The following SOX5 variants were observed in gnomAD, a reference collection of about 807,000 sequenced individuals.
SOX5 encodes transcription factor SOX-5.
Under a neutral mutation model 92.0 loss-of-function variants are expected in SOX5, and 9 were observed. The observed-to-expected ratio is 0.10, with a 90% CI of 0.06 to 0.17. SOX5 has a LOEUF of 0.17. Among genes scored for constraint, SOX5 ranks in the 10% least tolerant of loss-of-function variants. The pLI is 1.00. For missense variants in SOX5, 642 were observed against 944.5 expected, an observed-to-expected ratio of 0.68 and a Z score of 4.20; for synonymous variants, 344 against 336.3, an observed-to-expected ratio of 1.02 and a Z score of -0.25.
chr12:24,451,745 C>A (rs1424055132), intron 1 of SOX5, among the ~76,000 whole-genome samples: 3 of 152,112 alleles, frequency 2.0e-5, no homozygotes, highest in Non-Finnish European at 4.4e-5. Context: ...AGTAACTAAA[C>A]CTCTCTGGGC....
At chr12:23,702,164 C>T (rs1354986918) in intron 6 of SOX5, among the ~76,000 whole-genome samples, 1 of 151,888 alleles carries the variant, frequency 6.6e-6, no homozygotes, top group African/African-American at 2.4e-5. Flanking sequence ...TATTAAATAC[C>T]TATATGTCTC....
At chr12:24,090,968 G>A (rs1246153043) in intron 4 of SOX5, among the ~76,000 whole-genome samples, 1 of 152,140 alleles carries the variant, frequency 6.6e-6, no homozygotes, top group Non-Finnish European at 1.5e-5. Context: ...GGAAAAACTT[G>A]AAAAACATTC....
chr12:24,124,958 A>T (rs963890364), intron 4 of SOX5, among the ~76,000 whole-genome samples: 2 of 152,148 alleles, frequency 1.3e-5, no homozygotes, highest in Non-Finnish European at 2.9e-5. Context: ...ATTTCCTCAA[A>T]CTCTAAGCAC....
At chr12:23,904,278 C>T (rs904753797) in intron 1 of SOX5, among the ~76,000 whole-genome samples, 4 of 152,068 alleles carry the variant, frequency 2.6e-5, no homozygotes, top group African/African-American at 4.8e-5. Flanking sequence ...CCATCAGTTT[C>T]TGATATAGAA....
chr12:23,834,367 A>G (rs1484416864), intron 3 of SOX5, among the ~76,000 whole-genome samples: 1 of 151,924 alleles, frequency 6.6e-6, no homozygotes, highest in Non-Finnish European at 1.5e-5. Flanking sequence ...AGTCAATGCT[A>G]AGGAATTTTT....
chr12:24,449,375 A>T (rs911704619), intron 1 of SOX5, among the ~76,000 whole-genome samples: 2 of 152,178 alleles, frequency 1.3e-5, no homozygotes, highest in Non-Finnish European at 2.9e-5. Flanking sequence ...TCCCTTGAGG[A>T]TACTGAACTA....
chr12:24,456,178 G>A (rs1033582978), intron 1 of SOX5, among the ~76,000 whole-genome samples: 1 of 152,070 alleles, frequency 6.6e-6, no homozygotes, highest in Non-Finnish European at 1.5e-5. Context: ...TTCCTCTTTT[G>A]TAAAAAATAA....
At chr12:24,300,944 TG>T (rs150410318) in intron 2 of SOX5, among the ~76,000 whole-genome samples, 4,545 of 152,306 alleles carry the variant, frequency 0.03, 242 homozygotes, top group African/African-American at 0.1. Context: ...AAATGATCCT[TG>T]CATAGTTTCA....
intron 3 of SOX5, among the ~76,000 whole-genome samples, chr12:24,235,881 C>T (rs1964384065): frequency 6.6e-6 from 1 of 152,026 alleles, no homozygotes; most frequent in Non-Finnish European, 1.5e-5. Flanking sequence ...TTGCATGATC[C>T]ATTCTGGCAG....
At chr12:23,692,226 A>C (rs1170644236) in intron 6 of SOX5, among the ~76,000 whole-genome samples, 1 of 151,976 alleles carries the variant, frequency 6.6e-6, no homozygotes, top group African/African-American at 2.4e-5. Context: ...TGAGGTCAGG[A>C]GTTAGAGACC....
At chr12:23,616,010 T>C (rs79709251) in intron 8 of SOX5, among the ~76,000 whole-genome samples, 13,738 of 152,278 alleles carry the variant, frequency 0.09, 729 homozygotes, top group Non-Finnish European at 0.12. Context: ...ATTTTTTATA[T>C]ACTTACACAA....
intron 3 of SOX5, chr12:24,277,168 A>G (rs1314932220): frequency 6.6e-6 from 1 of 151,858 alleles, no homozygotes; most frequent in Non-Finnish European, 1.5e-5. Context: ...GTGAAATAGA[A>G]TAGTTATCAA....
intron 4 of SOX5, among the ~76,000 whole-genome samples, chr12:24,031,820 G>A (rs530764929): frequency 6.6e-6 from 1 of 151,858 alleles, no homozygotes; most frequent in African/African-American, 2.4e-5. Flanking sequence ...GCGGAGAATG[G>A]CAAGAACTAA....
chr12:23,812,643 C>A (rs139609746), intron 3 of SOX5, among the ~76,000 whole-genome samples: 3 of 152,194 alleles, frequency 2.0e-5, no homozygotes, highest in African/African-American at 7.2e-5. Flanking sequence ...TGTTTTGTTT[C>A]TTTCTTTGAT....
At position 23,783,036 on chromosome 12, in the gene SOX5, T is replaced by C. The variant is rs142756034; in HGVS notation, c.482-27312A>G. 3.9e-5 allele frequency among the ~76,000 whole-genome samples: 6 copies of C among 152,300 alleles called. No homozygotes were observed. The East Asian group carries it at 1.2e-3, about 29-fold the overall frequency. ...GTTCAAATGCTCCTTTCTTAGACAC[T>C]TTTTCTGACCATTGTAGGTATCTAA... is the stretch of plus-strand genomic sequence containing the variant. On this transcript the variant is annotated intron_variant, in intron 3 of 14. Transcript: ENST00000451604.
chr12:23,617,220 A>C (rs1042492460), intron 8 of SOX5, among the ~76,000 whole-genome samples: 1 of 151,936 alleles, frequency 6.6e-6, no homozygotes, highest in East Asian at 1.9e-4. Flanking sequence ...TTCTGCCTTC[A>C]GAGAAAACAG....
intron 2 of SOX5, among the ~76,000 whole-genome samples, chr12:23,869,588 C>T (rs1291014244): frequency 6.6e-6 from 1 of 152,066 alleles, no homozygotes; most frequent in African/African-American, 2.4e-5. Flanking sequence ...GTGCCATGGT[C>T]CTCTAGAAGG....
chr12:23,987,055 G>A (rs1325357445), intron 4 of SOX5, among the ~76,000 whole-genome samples: 1 of 152,182 alleles, frequency 6.6e-6, no homozygotes, highest in Non-Finnish European at 1.5e-5. Context: ...TTAAAAGACT[G>A]ATTTCAACTG....
At chr12:23,570,921 AAAAAAAAAAATATATATAT>A (rs1444743722) in intron 10 of SOX5, among the ~76,000 whole-genome samples, 5 of 42,852 alleles carry the variant, frequency 1.2e-4, no homozygotes, top group East Asian at 6.2e-4. Context: ...AAAAAAAAAA[AAAAAAAAAAATATATATAT>A]ATATATATAT....
Sources: allele counts gnomAD v4.1 joint callset (sites outside exome capture counted in the v4.1 genomes callset), GRCh38; gene constraint gnomAD v4.1.1; transcripts MANE v1.5; gene names NCBI Gene and HGNC (gene_info 2026-07-23, HGNC 2026-07-21).